Variants in ANKRD26 observed in about 807,000 individuals in gnomAD.
ANKRD26 encodes ankyrin repeat domain-containing protein 26.
A neutral mutation model predicts 208.7 loss-of-function variants in ANKRD26; 141 were observed. The observed-to-expected ratio is 0.68, with a 90% CI of 0.59 to 0.78. The LOEUF is 0.78. Among genes scored for constraint, ANKRD26 ranks in the 30% least tolerant of loss-of-function variants. The pLI is 0.00. For missense variants in ANKRD26, 1,889 were observed against 1,938.7 expected (o/e 0.97, Z 0.48); for synonymous variants, 636 against 660.4 (o/e 0.96, Z 0.57).
the ANKRD26 span, among the ~76,000 whole-genome samples, chr10:26,953,456 T>C: frequency 6.6e-6 from 1 of 152,162 alleles, no homozygotes; most frequent in Non-Finnish European, 1.5e-5. Flanking sequence ...AATAATCCTA[T>C]GTATTACTGT....
chr10:26,995,042 AGTCT>A (rs1328706396), exon 5 of ANKRD26: 7 of 471,090 alleles, frequency 1.5e-5, no homozygotes, highest in Admixed American at 4.7e-5. Context: ...TCTGCATACC[AGTCT>A]ATCTCAGCAT....
intron 1 of ANKRD26, among the ~76,000 whole-genome samples, chr10:27,099,300 A>G (rs550459201): frequency 1.3e-5 from 2 of 148,952 alleles, no homozygotes; most frequent in East Asian, 2.1e-4. Context: ...CTCTACTGCC[A>G]CTTTCAATGG....
chr10:27,014,548 T>G lies in ANKRD26; in HGVS notation c.4670A>C (p.Gln1557Pro), dbSNP rs1340133599. ...FNKTELEKYK[Q>P]LYLEELKVRK... ...AACTTTTAATTCTTCTAGATAGAGT[T>G]GCTTATATTTTTCCAGTTCGGTTTT... is the stretch of plus-strand genomic sequence containing the variant. Residue 1557 changes from glutamine (Q) to proline (P), a missense_variant, in exon 31 of 34, where the codon CAA becomes CCA. Physicochemically the swap from Gln to Pro is moderately conservative, Grantham distance 76. Coordinates refer to ENST00000376087, the MANE Select transcript of ANKRD26 (RefSeq NM_014915.3). 6.2e-7 allele frequency: 1 copy of G among 1,601,302 alleles called. No individual in the cohort carries two copies. The highest frequency in any genetic ancestry group is 2.2e-5 in the East Asian group (1 of 44,694).
exon 6 of ANKRD26, among the ~76,000 whole-genome samples, chr10:26,975,939 A>G (rs905864544): frequency 2.0e-5 from 3 of 152,102 alleles, no homozygotes; most frequent in African/African-American, 7.2e-5. Context: ...ACGTAGGATA[A>G]GATTATTGTT....
chr10:26,962,492 T>C, the ANKRD26 span, among the ~76,000 whole-genome samples: 1 of 152,084 alleles, frequency 6.6e-6, no homozygotes. Flanking sequence ...GGAGAATCAC[T>C]TGAACCCGGG....
downstream of ANKRD26, among the ~76,000 whole-genome samples, chr10:26,970,245 A>G (rs965253555): frequency 6.6e-6 from 1 of 152,156 alleles, no homozygotes; most frequent in East Asian, 1.9e-4. Context: ...CACATCTTGA[A>G]TTATAATCTT....
intron 1 of ANKRD26, among the ~76,000 whole-genome samples, chr10:27,096,360 T>C (rs1457815060): frequency 1.3e-5 from 2 of 152,230 alleles, no homozygotes; most frequent in Admixed American, 6.5e-5. Context: ...TATATACATA[T>C]ATATGAAGTT....
At chr10:26,972,103 CGG>C (rs938201790), downstream of ANKRD26, among the ~76,000 whole-genome samples, 1 of 151,794 alleles carries the variant, frequency 6.6e-6, no homozygotes, top group East Asian at 1.9e-4. Flanking sequence ...GGCGTGGTGG[CGG>C]GCGCCTGTAG....
chr10:27,065,874 T>C (rs1436783709), intron 11 of ANKRD26, among the ~76,000 whole-genome samples: 1 of 140,408 alleles, frequency 7.1e-6, no homozygotes, highest in African/African-American at 2.6e-5. Flanking sequence ...TTTTTTTTTT[T>C]TTTTTTTTTT....
At chr10:27,068,283 C>A (rs1054034683) in intron 9 of ANKRD26, among the ~76,000 whole-genome samples, 5 of 152,312 alleles carry the variant, frequency 3.3e-5, no homozygotes, top group African/African-American at 9.6e-5. Flanking sequence ...GTTCCTCATA[C>A]ATTAATTCAC....
At chr10:27,054,184 C>T (rs757863029) in intron 15 of ANKRD26, among the ~76,000 whole-genome samples, 10 of 152,078 alleles carry the variant, frequency 6.6e-5, no homozygotes, top group South Asian at 2.1e-4. Flanking sequence ...TGCTCCCAGA[C>T]GGTAGGGGAC....
In ANKRD26 at chr10:27,082,049, TAAAAAAA is replaced by T. The variant is rs994610726; in HGVS notation, c.740+747_740+753del. On this transcript the variant is annotated intron_variant, in intron 6 of 33. Coordinates refer to ENST00000376087, the MANE Select transcript of ANKRD26 (RefSeq NM_014915.3). ...CCACGCCCAGCCCTATGCAGTTATT[TAAAAAAA>T]AAAAAAAAAAAAAAAAAAGGGAGAG... is the stretch of plus-strand genomic sequence containing the variant. Among the ~76,000 whole-genome samples, 24 of 67,646 alleles carry T rather than the reference TAAAAAAA, an allele frequency of 3.5e-4. 1 individual carries two copies. Among genetic ancestry groups the T allele is most frequent in the Admixed American group, 8.1e-4 (5 of 6,202 alleles). 44.4% of individuals were successfully genotyped at this position (67,646 alleles called of 152,430 possible).
chr10:27,018,603 T>G (rs746085092), intron 29 of ANKRD26, among the ~76,000 whole-genome samples: 28 of 152,218 alleles, frequency 1.8e-4, no homozygotes, highest in Non-Finnish European at 3.4e-4. Flanking sequence ...TGCAAATGTT[T>G]TATGCTAATT....
At chr10:27,033,420 ATTAAG>A (rs756744154) in intron 24 of ANKRD26, 43 bp from the exon 25 acceptor site, 21 of 1,571,534 alleles carry the variant, frequency 1.3e-5, no homozygotes, top group South Asian at 7.0e-5. Context: ...TCACCTTATT[ATTAAG>A]TTATGTTAAA....
intron 3 of ANKRD26, among the ~76,000 whole-genome samples, chr10:26,982,934 C>T (rs2052330184): frequency 6.6e-6 from 1 of 152,180 alleles, no homozygotes; most frequent in African/African-American, 2.4e-5. Flanking sequence ...TTCGTAAGGG[C>T]TTTGGATCTG....
chr10:26,991,496 G>A (rs2052485322), downstream of ANKRD26, among the ~76,000 whole-genome samples: 1 of 152,046 alleles, frequency 6.6e-6, no homozygotes. Flanking sequence ...GAGTGCAATG[G>A]CACGATCTTG....
chr10:26,962,566 A>C, the ANKRD26 span, among the ~76,000 whole-genome samples: 1 of 151,802 alleles, frequency 6.6e-6, no homozygotes, highest in East Asian at 1.9e-4. Flanking sequence ...CAGGAGTGAA[A>C]CTGTCTTAAA....
At chr10:26,998,461 G>A (rs2052645195) in intron 4 of ANKRD26, among the ~76,000 whole-genome samples, 1 of 152,160 alleles carries the variant, frequency 6.6e-6, no homozygotes, top group South Asian at 2.1e-4. Context: ...TCTGCTAACG[G>A]GTCTGACCTC....
At chr10:27,008,598 T>G (rs953109642) in intron 32 of ANKRD26, among the ~76,000 whole-genome samples, 2 of 152,198 alleles carry the variant, frequency 1.3e-5, no homozygotes, top group Admixed American at 1.3e-4. Context: ...TTACAAATAC[T>G]TCCATAATAT....
Sources: gnomAD v4.1 joint callset for allele counts (sites outside exome capture counted in the v4.1 genomes callset) on GRCh38, gnomAD v4.1.1 for gene constraint, MANE v1.5 for transcripts, NCBI Gene and HGNC (gene_info 2026-07-23, HGNC 2026-07-21) for gene names.